ZFY: variants seen among roughly 807,000 people sequenced by gnomAD.
The protein encoded by ZFY is zinc finger protein Y-linked, also known as zinc finger Y-chromosomal protein.
For synonymous variants in ZFY, 47 were observed against 55.8 expected, an observed-to-expected ratio of 0.84 and a Z score of 0.71; for missense variants, 113 against 170.9, an observed-to-expected ratio of 0.66 and a Z score of 1.89.
At chrY:2,941,668 T>C (rs2051241792) in intron 1 of ZFY, among the ~76,000 whole-genome samples, 1 of 30,081 alleles carries the variant, frequency 3.3e-5, no homozygotes, top group Non-Finnish European at 7.9e-5. Context: ...ACCTGGCTTA[T>C]TTATTTATTT....
intron 3 of ZFY, among the ~76,000 whole-genome samples, chrY:2,973,105 A>G: frequency 4.2e-5 from 1 of 23,621 alleles, no homozygotes; most frequent in African/African-American, 1.7e-4. Context: ...TCTGTTGCCC[A>G]TGTTTGCGTG....
chrY:2,942,718 C>A, intron 1 of ZFY, among the ~76,000 whole-genome samples: 1 of 31,407 alleles, frequency 3.2e-5, no homozygotes, highest in Non-Finnish European at 7.7e-5. Context: ...GAACCATGGC[C>A]CCCAGCTGTG....
intron 1 of ZFY, among the ~76,000 whole-genome samples, chrY:2,940,881 A>G: frequency 6.0e-5 from 2 of 33,372 alleles, no homozygotes; most frequent in African/African-American, 2.3e-4. Flanking sequence ...TATCCCATGA[A>G]TGTAGTGTGT....
chrY:2,973,113 G>A (rs2051353425), intron 3 of ZFY, among the ~76,000 whole-genome samples: 2 of 26,069 alleles, frequency 7.7e-5, no homozygotes, highest in Admixed American at 3.8e-4. Context: ...CCATGTTTGC[G>A]TGCAGTGGTG....
At chrY:2,977,416 A>G in intron 6 of ZFY, among the ~76,000 whole-genome samples, 1 of 32,222 alleles carries the variant, frequency 3.1e-5, no homozygotes, top group African/African-American at 1.2e-4. Flanking sequence ...CCAGTAGAGC[A>G]GCATGCTGCT....
chrY:2,957,106 A>G (rs780319162), intron 2 of ZFY, among the ~76,000 whole-genome samples: 41 of 33,062 alleles, frequency 1.2e-3, no homozygotes, highest in African/African-American at 4.3e-3. Context: ...GAGTCCATGT[A>G]GGATTTCTCT....
At chrY:2,938,983 TTATATATATATATATATATATATATA>T (rs765202788) in intron 1 of ZFY, among the ~76,000 whole-genome samples, 6 of 5,227 alleles carry the variant, frequency 1.1e-3, no homozygotes, top group Non-Finnish European at 1.8e-3. Context: ...CATACAGTGC[TTATATATATATATATATATATATATA>T]TATATATATA....
Position 2,979,569 on chromosome Y carries a change from A to C in ZFY, c.1982A>C (p.Glu661Ala). The C allele has an allele frequency of 2.5e-6, 1 of 399,133 alleles. No individual in the cohort carries two copies. Among genetic ancestry groups the C allele is most frequent in the Non-Finnish European group, 3.5e-6 (1 of 283,715 alleles). The change falls in exon 8 of 8, where the codon GAG becomes GCG. Residue 661 changes from glutamate to alanine, a missense_variant. Glu to Ala is a moderately radical substitution (Grantham distance 107). Coordinates refer to ENST00000155093, the MANE Select transcript of ZFY (RefSeq NM_003411.4). The part of the protein sequence containing the change: ...VHTKDYPHKC[E>A]MCEKGFHRPS... ...ACGAAAGACTATCCTCATAAGTGTGAGATGTGCGAGAAAGGCTTTCACAGG... is the reference window on the plus strand; with the variant it reads ...ACGAAAGACTATCCTCATAAGTGTGCGATGTGCGAGAAAGGCTTTCACAGG...
At chrY:2,942,595 G>A (rs2051248655) in intron 1 of ZFY, among the ~76,000 whole-genome samples, 2 of 26,050 alleles carry the variant, frequency 7.7e-5, no homozygotes, top group Non-Finnish European at 1.8e-4. Context: ...TTCTTTTTTT[G>A]TTTACTTTTT....
intron 1 of ZFY, among the ~76,000 whole-genome samples, chrY:2,938,154 ATTTTTTTTTTTTTTTTTT>A (rs368708159): frequency 7.0e-4 from 2 of 2,844 alleles, no homozygotes; most frequent in Admixed American, 5.6e-3. Context: ...CGCCGGGCTA[ATTTTTTTTTTTTTTTTTT>A]TTTTTTTTTT....
At chrY:2,953,759 C>T in intron 1 of ZFY, 150 bp from the exon 2 acceptor site, 1 of 119,588 alleles carries the variant, frequency 8.4e-6, no homozygotes. Context: ...TGTTGCAGCC[C>T]ATGTATCCCT....
intron 3 of ZFY, among the ~76,000 whole-genome samples, chrY:2,963,888 A>T (rs2051318496): frequency 3.2e-5 from 1 of 31,518 alleles, no homozygotes; most frequent in African/African-American, 1.2e-4. Flanking sequence ...TATATATCTA[A>T]ATATATATAT....
chrY:2,961,131 T>C lies in ZFY; in HGVS notation c.119T>C (p.Val40Ala), dbSNP rs2051308067. The C allele has an allele frequency of 2.5e-6, 1 of 396,890 alleles. No homozygotes were observed. Among genetic ancestry groups the C allele is most frequent in the African/African-American group, 6.4e-5 (1 of 15,747 alleles). ...DQIVVEIQEA[V>A]FVSNIVDSDI... ...ATTGTTGTGGAAATACAAGAAGCAG[T>C]TTTTGTTTCTAATATTGTGGATTCT... The change falls in exon 3 of 8, where the codon GTT becomes GCT. Residue 40 changes from valine (V) to alanine (A), a missense_variant. Coordinates refer to ENST00000155093, the MANE Select transcript of ZFY (RefSeq NM_003411.4).
chrY:2,959,874 T>A, intron 2 of ZFY, among the ~76,000 whole-genome samples: 1 of 30,566 alleles, frequency 3.3e-5, no homozygotes. Context: ...TTTTCTTTTT[T>A]TTTTTTTTTT....
Position 2,961,463 on chromosome Y carries a change from C to A in ZFY, c.451C>A (p.His151Asn). The A allele has an allele frequency of 2.5e-6, 1 of 399,087 alleles. No homozygotes were observed. The highest frequency in any genetic ancestry group is 3.5e-6 in the Non-Finnish European group (1 of 283,684). The change falls in exon 3 of 8, where the codon CAT (histidine) becomes AAT (asparagine). Residue 151 changes from histidine to asparagine, a missense_variant. By Grantham distance (68) the His-to-Asn change is moderately conservative. Transcript: ENST00000155093. ...MHVCDIGHVE[H>N]MVHDSVVEAE... ...TGTGTGTGACATTGGACATGTTGAA[C>A]ATATGGTGCATGATAGTGTAGTGGA...
chrY:2,948,168 G>A (rs1603310941), intron 1 of ZFY, among the ~76,000 whole-genome samples: 1 of 33,807 alleles, frequency 3.0e-5, no homozygotes. Context: ...ATTATGATAC[G>A]GAGTACTGAG....
intron 1 of ZFY, among the ~76,000 whole-genome samples, chrY:2,939,773 C>G: frequency 9.0e-5 from 3 of 33,486 alleles, no homozygotes; most frequent in African/African-American, 3.5e-4. Context: ...TCTACAGTCC[C>G]TAAAATAATT....
intron 5 of ZFY, 71 bp downstream of exon 5, chrY:2,975,725 T>C: frequency 4.1e-6 from 1 of 244,126 alleles, no homozygotes; most frequent in Non-Finnish European, 6.4e-6. Context: ...GCAGATTTGT[T>C]ACATAGATAT....
chrY:2,936,655 A>G (rs2051217657), intron 1 of ZFY, among the ~76,000 whole-genome samples: 1 of 34,109 alleles, frequency 2.9e-5, no homozygotes, highest in South Asian at 6.4e-4. Flanking sequence ...TTGAAAGACA[A>G]TTCATGCATT....
Sources: gnomAD v4.1 joint callset for allele counts (sites outside exome capture counted in the v4.1 genomes callset) on GRCh38, gnomAD v4.1.1 for gene constraint, MANE v1.5 for transcripts, NCBI Gene and HGNC (gene_info 2026-07-23, HGNC 2026-07-21) for gene names.